Variants in POMT1 observed in about 807,000 individuals in gnomAD.
The protein encoded by POMT1 is protein O-mannosyl-transferase 1.
In POMT1, 85 loss-of-function variants were observed where a neutral mutation model predicts 101.6. That is an observed-to-expected ratio of 0.84 (90% confidence interval 0.70 to 1.00). The LOEUF (loss-of-function observed/expected upper bound fraction) is 1.00, where lower values mean the gene tolerates loss of function less well. Among genes scored for constraint, POMT1 ranks in the 50% least tolerant of loss-of-function variants. The pLI is 0.00. For missense variants in POMT1, 857 were observed against 930.4 expected (o/e 0.92, Z 1.03); for synonymous variants, 371 against 383.0 (o/e 0.97, Z 0.37).
chr9:131,507,497 C>T lies in POMT1; in HGVS notation c.410C>T (p.Ala137Val). Reference sequence around the variant, plus strand: ...TCTCATTGTGCCGCCATGGGAGCTGCTCTGTTGATGCTTATCGGTAAGACC... The same window carrying T: ...TCTCATTGTGCCGCCATGGGAGCTGTTCTGTTGATGCTTATCGGTAAGACC... ...HFSHCAAMGA[A>V]LLMLIENALI... is the part of the protein sequence containing the mutation. Residue 137 changes from alanine (A) to valine (V), a missense_variant, in exon 5 of 20, where the codon GCT becomes GTT. Physicochemically the swap from Ala to Val is moderately conservative, Grantham distance 64 (BLOSUM62 0). Coordinates refer to ENST00000402686, the MANE Select transcript of POMT1 (RefSeq NM_001077365.2). The T allele has an allele frequency of 1.2e-6, 2 of 1,614,200 alleles. No homozygotes were observed. The highest frequency in any genetic ancestry group is 1.7e-5 in the Admixed American group (1 of 60,006).
rs1342467357 is a variant in POMT1 at position 131,504,295 on chromosome 9, G to T, written c.77G>T (p.Gly26Val). The T allele has an allele frequency of 3.7e-6, 6 of 1,614,088 alleles. No individual in the cohort carries two copies. Among genetic ancestry groups the T allele is most frequent in the East Asian group, 2.2e-5 (1 of 44,898 alleles). Residue 26 changes from glycine (G) to valine (V), a missense_variant, in exon 2 of 20, where the codon GGG becomes GTG. Coordinates refer to ENST00000402686, the MANE Select transcript of POMT1 (RefSeq NM_001077365.2). ...AGCCTTGTGGCCCTGACTGGGATGG[G>T]GTTACTGAGCCGGCTGTGGCGACTC... ...NLSLVALTGM[G>V]LLSRLWRLTY...
intron 13 of POMT1, among the ~76,000 whole-genome samples, chr9:131,517,717 C>T (rs74371284): frequency 3.3e-5 from 5 of 152,234 alleles, no homozygotes; most frequent in African/African-American, 7.2e-5. Flanking sequence ...CCCCTTCTCA[C>T]GGGCACCCTT....
At chr9:131,509,475 A>AT (rs1235005344) in intron 6 of POMT1, among the ~76,000 whole-genome samples, 7 of 152,106 alleles carry the variant, frequency 4.6e-5, no homozygotes, top group Admixed American at 2.6e-4. Context: ...GTCCTCTAAT[A>AT]TTTTGGGGGT....
At position 131,507,526 on chromosome 9, in the gene POMT1, G is replaced by A. The variant is rs372588957; in HGVS notation, c.427+12G>A. On this transcript the variant is annotated intron_variant, in intron 5 of 19. Coordinates refer to ENST00000402686, the MANE Select transcript of POMT1 (RefSeq NM_001077365.2). ...GTTGATGCTTATCGGTAAGACCTGC[G>A]CCCCTGCCTGCTCTTGCTGTCATGC... 124 of 1,613,730 alleles carry A rather than the reference G, an allele frequency of 7.7e-5. No homozygotes were observed. The highest frequency in any genetic ancestry group is 6.1e-5 in the Non-Finnish European group (72 of 1,179,976).
intron 12 of POMT1, among the ~76,000 whole-genome samples, chr9:131,514,166 A>C (rs1588416741): frequency 2.7e-5 from 4 of 148,514 alleles, no homozygotes; most frequent in African/African-American, 5.0e-5. Context: ...TTCTCCCTCT[A>C]CTCCCACCTC....
At chr9:131,511,004 A>ATCTCG in intron 9 of POMT1, 4 of 262,588 alleles carry the variant, frequency 1.5e-5, no homozygotes, top group South Asian at 5.6e-5. Flanking sequence ...TGTTTCAGCA[A>ATCTCG]GTTGTTTGGC....
At position 131,522,575 on chromosome 9, in the gene POMT1, G is replaced by A. The variant is rs553907912; in HGVS notation, c.2003+351G>A. 3.8e-6 allele frequency: 2 copies of A among 525,464 alleles called. No individual in the cohort carries two copies. Among genetic ancestry groups the A allele is most frequent in the Admixed American group, 3.2e-5 (1 of 31,316 alleles). The allele number at this position is 525,464 out of a possible 1,614,324, so 32.6% of individuals were successfully genotyped here. A position where few individuals can be genotyped will look rare whatever the true frequency, so the allele number is the denominator to read the frequency against. On this transcript the variant is annotated intron_variant, in intron 19 of 19. Coordinates refer to ENST00000402686, the MANE Select transcript of POMT1 (RefSeq NM_001077365.2). The surrounding 1 kb of genome is among the most constrained non-coding windows in gnomAD (Gnocchi z 5.5). The stretch of plus-strand genomic sequence containing the variant: ...TTATGGTCGGGTTGTGTGGTGTGGT[G>A]GAGAGAACCCAAGAAAGCTTCTAAA...
Position 131,510,014 on chromosome 9 carries a change from G to A in POMT1, c.699+18G>A, listed in dbSNP as rs886063537. On this transcript the variant is annotated intron_variant, in intron 8 of 19. Transcript: ENST00000402686. ...TGTCCAATGTAGGTGCTGATGTCCA[G>A]TGCTGCATGAGGCCGGCCTGTATGG... 2.5e-6 allele frequency: 4 copies of A among 1,614,124 alleles called. No homozygotes were observed. The highest frequency in any genetic ancestry group is 1.1e-5 in the South Asian group (1 of 91,096).
At chr9:131,518,019 C>T (rs745544131) in intron 13 of POMT1, among the ~76,000 whole-genome samples, 7 of 152,198 alleles carry the variant, frequency 4.6e-5, no homozygotes, top group Non-Finnish European at 7.3e-5. Flanking sequence ...TTTTATTACT[C>T]GATGCGAGGA....
At chr9:131,511,633 G>A in intron 10 of POMT1, 166 bp downstream of exon 10, 1 of 944,476 alleles carries the variant, frequency 1.1e-6, no homozygotes, top group Non-Finnish European at 1.6e-6. Context: ...CCCGGGTGTT[G>A]CTGGAGGGAC....
At position 131,523,350 on chromosome 9, in the gene POMT1, CAG is replaced by C. The variant is rs748688323; in HGVS notation, c.*245_*246del. 22 of 540,210 alleles carry C rather than the reference CAG, an allele frequency of 4.1e-5. No homozygotes were observed. Among genetic ancestry groups the C allele is most frequent in the East Asian group, 2.1e-4 (6 of 29,216 alleles). 33.5% of individuals were successfully genotyped at this position (540,210 alleles called of 1,614,324 possible). On this transcript the variant is annotated 3_prime_UTR_variant, in exon 20 of 20. Coordinates refer to ENST00000402686, the MANE Select transcript of POMT1 (RefSeq NM_001077365.2). ...GTGTCTTTACCCCTGAACTAAGACACAGGGAGTATTTCAGAGGCCAGCGTAGG... is the reference window on the plus strand; with the variant it reads ...GTGTCTTTACCCCTGAACTAAGACACGGAGTATTTCAGAGGCCAGCGTAGG...
intron 12 of POMT1, among the ~76,000 whole-genome samples, chr9:131,514,727 G>T (rs1947911330): frequency 6.6e-6 from 1 of 152,200 alleles, no homozygotes; most frequent in East Asian, 1.9e-4. Flanking sequence ...AGGCCAAGGT[G>T]GGCAGATCAT....
Position 131,512,032 on chromosome 9 carries a change from T to G in POMT1, c.987-9T>G, listed in dbSNP as rs1305592243. On this transcript the variant is annotated splice_polypyrimidine_tract_variant and intron_variant, in intron 10 of 19. Coordinates refer to ENST00000402686, the MANE Select transcript of POMT1 (RefSeq NM_001077365.2). ...GGCCCAGATACATCTCTTTGTTGAC[T>G]TCACACAGATATGAGAACGGCCGAG... is the stretch of plus-strand genomic sequence containing the variant. 3 of 1,613,960 alleles carry G rather than the reference T, an allele frequency of 1.9e-6. No individual in the cohort carries two copies. The highest frequency in any genetic ancestry group is 2.5e-6 in the Non-Finnish European group (3 of 1,179,920).
intron 5 of POMT1, among the ~76,000 whole-genome samples, chr9:131,508,201 C>T (rs1349394153): frequency 1.3e-5 from 2 of 150,086 alleles, no homozygotes; most frequent in African/African-American, 2.5e-5. Context: ...TGCGCCACTG[C>T]ACTCCAGCCT....
intron 11 of POMT1, 39 bp from the exon 12 acceptor site, chr9:131,513,200 C>G (rs377253951): frequency 2.1e-4 from 335 of 1,568,530 alleles, no homozygotes; most frequent in Non-Finnish European, 2.7e-4. Flanking sequence ...TTCGAGGGGA[C>G]CAGGCTCTGT....
At position 131,522,069 on chromosome 9, in the gene POMT1, G is replaced by A. The variant is rs370443246; in HGVS notation, c.1848G>A (p.Leu616=). ...TAGATGCCTGGCTGCGCTGGGTGCT[G>A]GCTGGGGCGCTGTGTGCCGGTGGCT... ...LPQDAWLRWV[L]AGALCAGGWA... is the part of the protein sequence containing the mutation. Residue 616 remains leucine (L), a synonymous_variant, in exon 19 of 20, where the codon CTG becomes CTA. Transcript: ENST00000402686. This position sits in a 1 kb window ranked among gnomAD's most constrained non-coding sequence, Gnocchi z 5.5. 3.1e-6 allele frequency: 5 copies of A among 1,614,010 alleles called. No individual in the cohort carries two copies. In the South Asian group the frequency reaches 4.4e-5, roughly 14 times the overall value.
Position 131,519,352 on chromosome 9 carries a change from C to CA in POMT1, c.1487-37_1487-36insA. 1 of 1,539,780 alleles carries CA rather than the reference C, an allele frequency of 6.5e-7. No individual in the cohort carries two copies. On this transcript the variant is annotated intron_variant, in intron 15 of 19. Coordinates refer to ENST00000402686, the MANE Select transcript of POMT1 (RefSeq NM_001077365.2). This position sits in a 1 kb window ranked among gnomAD's most constrained non-coding sequence, Gnocchi z 4.3. ...TCTGCTCTGAGCTCTTGACCTTGTG[C>CA]TACTTCTATCTGTTATGCCCTTGTC... is the stretch of plus-strand genomic sequence containing the variant.
At position 131,518,862 on chromosome 9, in the gene POMT1, G is replaced by T. The variant is rs746849558; in HGVS notation, c.1391G>T (p.Trp464Leu). ...CTGAGCGGGGCTCACCTCCCTGACTGGGGGTATCGGCAACTGGAGATCGTC... is the reference window on the plus strand; with the variant it reads ...CTGAGCGGGGCTCACCTCCCTGACTTGGGGTATCGGCAACTGGAGATCGTC... ...LKLSGAHLPD[W>L]GYRQLEIVGE... The change falls in exon 15 of 20, where the codon TGG (tryptophan) becomes TTG (leucine). Residue 464 changes from tryptophan (W) to leucine (L), a missense_variant. By Grantham distance (61) the Trp-to-Leu change is moderately conservative. Transcript: ENST00000402686. The T allele has an allele frequency of 6.2e-7, 1 of 1,614,020 alleles. No homozygotes were observed.
rs200780140 is a variant in POMT1, at chr9:131,510,068, T to C, written c.699+72T>C. On this transcript the variant is annotated intron_variant, in intron 8 of 19. Transcript: ENST00000402686. Reference sequence around the variant, plus strand: ...AGATGCAGATGTCACAGGGGGTACTTGGTGAAAAGACTCCAATCCTCAATG... The same window carrying C: ...AGATGCAGATGTCACAGGGGGTACTCGGTGAAAAGACTCCAATCCTCAATG... 7.4e-6 allele frequency: 12 copies of C among 1,613,950 alleles called. No individual in the cohort carries two copies. The highest frequency in any genetic ancestry group is 1.3e-5 in the African/African-American group (1 of 74,930).
Sources: gnomAD v4.1 joint callset for allele counts (sites outside exome capture counted in the v4.1 genomes callset) on GRCh38, gnomAD v4.1.1 for gene constraint, Gnocchi (gnomAD v3.1) non-coding constraint, MANE v1.5 for transcripts, NCBI Gene and HGNC (gene_info 2026-07-23, HGNC 2026-07-21) for gene names.